CDC42BPA: variants seen among roughly 807,000 people sequenced by gnomAD.
CDC42BPA encodes serine/threonine-protein kinase MRCK alpha.
CDC42BPA carries 80 observed loss-of-function variants against 223.5 expected under a neutral mutation model. The observed-to-expected ratio is 0.36, with a 90% CI of 0.30 to 0.43. CDC42BPA has a LOEUF of 0.43. Ranked by LOEUF, CDC42BPA falls within the 20% of genes least tolerant of loss-of-function variation. The probability of loss-of-function intolerance (pLI) is 1.00; values close to 1 mark genes in which losing one functional copy is unlikely to be tolerated. For synonymous variants in CDC42BPA, 694 were observed against 718.6 expected, an observed-to-expected ratio of 0.97 and a Z score of 0.55; for missense variants, 1,743 against 2,099.9, an observed-to-expected ratio of 0.83 and a Z score of 3.32.
intron 6 of CDC42BPA, among the ~76,000 whole-genome samples, chr1:227,155,716 A>G (rs1662627991): frequency 6.6e-6 from 1 of 152,240 alleles, no homozygotes; most frequent in Non-Finnish European, 1.5e-5. Flanking sequence ...TTACACCAGG[A>G]AGAATAAAAA....
chr1:227,031,202 T>C (rs766506576), intron 28 of CDC42BPA, 96 bp downstream of exon 28: 24 of 877,738 alleles, frequency 2.7e-5, no homozygotes, highest in East Asian at 9.9e-5. Context: ...GCACAGTATG[T>C]TGGACACTGG....
chr1:227,107,840 T>TTGTCCATTTCATCTAGGTTA (rs1686206290), intron 14 of CDC42BPA, among the ~76,000 whole-genome samples: 1 of 152,204 alleles, frequency 6.6e-6, no homozygotes, highest in African/African-American at 2.4e-5. Flanking sequence ...TTCTAAGAAT[T>TTGTCCATTTCATCTAGGTTA]TGTCCATTTC....
chr1:227,247,236 G>T lies in CDC42BPA; in HGVS notation c.270+6828C>A, dbSNP rs147378823. Among the ~76,000 whole-genome samples, 412 of 150,754 alleles carry T rather than the reference G, an allele frequency of 2.7e-3. 1 individual carries two copies. Among genetic ancestry groups the T allele is most frequent in the African/African-American group, 9.5e-3 (390 of 40,920 alleles). ...ATTTTGGCCAGGTGCAGTGGCTCAT[G>T]CCTGTAATCCCAGCACTTTGGGAGG... On this transcript the variant is annotated intron_variant, in intron 2 of 36. Coordinates refer to ENST00000366766, the MANE Select transcript of CDC42BPA (RefSeq NM_001394014.1).
At chr1:227,036,525 G>T (rs550861015) in intron 24 of CDC42BPA, among the ~76,000 whole-genome samples, 9 of 149,670 alleles carry the variant, frequency 6.0e-5, no homozygotes, top group Non-Finnish European at 1.0e-4. Flanking sequence ...GCCCCCCGGG[G>T]TTCACGCCAT....
At chr1:227,306,685 G>A (rs1308563177) in intron 1 of CDC42BPA, among the ~76,000 whole-genome samples, 2 of 152,154 alleles carry the variant, frequency 1.3e-5, no homozygotes, top group Non-Finnish European at 2.9e-5. Flanking sequence ...CTACATACCC[G>A]AACTTAGTCT....
At chr1:227,004,902 T>A in intron 35 of CDC42BPA, 92 bp downstream of exon 35, 2 of 873,942 alleles carry the variant, frequency 2.3e-6, no homozygotes, top group Non-Finnish European at 4.0e-6. Flanking sequence ...TGGGCACACG[T>A]AAGTGAAGGA....
chr1:227,033,726 C>T (rs1189657846), intron 26 of CDC42BPA, among the ~76,000 whole-genome samples: 1 of 152,098 alleles, frequency 6.6e-6, no homozygotes, highest in Non-Finnish European at 1.5e-5. Context: ...CCAGTGGACC[C>T]TCTTGCCTCC....
rs184064626 is a variant in CDC42BPA, at chr1:227,085,056, T to C, written c.2356-4039A>G. Among the ~76,000 whole-genome samples the C allele has an allele frequency of 2.8e-3, 432 of 152,306 alleles. 3 individuals are homozygous for C. The highest frequency in any genetic ancestry group is 4.1e-3 in the Non-Finnish European group (277 of 68,030). ...TGTTAAGCTTGCCAAGCTTTGGGAC[T>C]GGAACTACAAAATATACTCTCCTGG... On this transcript the variant is annotated intron_variant, in intron 16 of 36. Coordinates refer to ENST00000366766, the MANE Select transcript of CDC42BPA (RefSeq NM_001394014.1).
intron 17 of CDC42BPA, among the ~76,000 whole-genome samples, 165 bp downstream of exon 17, chr1:227,080,728 A>G (rs1323692134): frequency 6.6e-6 from 1 of 152,228 alleles, no homozygotes; most frequent in East Asian, 1.9e-4. Context: ...CAGAAAACAC[A>G]GTAGAACACA....
At chr1:227,123,827 C>A (rs905340058) in intron 11 of CDC42BPA, among the ~76,000 whole-genome samples, 5 of 152,012 alleles carry the variant, frequency 3.3e-5, no homozygotes, top group Non-Finnish European at 7.4e-5. Flanking sequence ...CCCCTATTCA[C>A]AGGAGGTAGG....
intron 24 of CDC42BPA, among the ~76,000 whole-genome samples, chr1:227,035,899 AT>A (rs1338362695): frequency 2.0e-5 from 3 of 152,184 alleles, no homozygotes; most frequent in African/African-American, 2.4e-5. Context: ...AAAATGATTG[AT>A]TTAGATTTTC....
intron 6 of CDC42BPA, among the ~76,000 whole-genome samples, chr1:227,156,449 C>CGT (rs1491200092): frequency 1.0e-3 from 3 of 2,966 alleles, no homozygotes; most frequent in South Asian, 0.01. Context: ...CTGCCATAGG[C>CGT]CTCTCAAAGA....
chr1:227,173,081 A>G (rs565898359), intron 5 of CDC42BPA, among the ~76,000 whole-genome samples: 18 of 152,338 alleles, frequency 1.2e-4, no homozygotes, highest in Admixed American at 1.2e-3. Context: ...ATAGTGACAG[A>G]TAAAAGGAGG....
chr1:227,067,037 C>T (rs1476408791), intron 21 of CDC42BPA, among the ~76,000 whole-genome samples: 1 of 152,114 alleles, frequency 6.6e-6, no homozygotes. Context: ...AAAGATTTGG[C>T]AGCTCTTGTG....
Position 227,040,145 on chromosome 1 carries a change from C to T in CDC42BPA, c.3185G>A (p.Gly1062Asp). ...TGTGTTCTTACCTTCACATGAACAG[C>T]CCTGTCTTATTAAACCCACCATCAA... ...TSLMVGLIRQ[G>D]CSCEVCGFSC... Residue 1062 changes from glycine to aspartate, a missense_variant, in exon 24 of 37, where the codon GGC (glycine) becomes GAC (aspartate). Physicochemically the swap from Gly to Asp is moderately conservative, Grantham distance 94. Coordinates refer to ENST00000366766, the MANE Select transcript of CDC42BPA (RefSeq NM_001394014.1). The T allele has an allele frequency of 1.3e-6, 2 of 1,598,356 alleles. No individual in the cohort carries two copies. Among genetic ancestry groups the T allele is most frequent in the Non-Finnish European group, 1.7e-6 (2 of 1,165,856 alleles).
intron 14 of CDC42BPA, among the ~76,000 whole-genome samples, chr1:227,110,459 T>C (rs1686731447): frequency 6.6e-6 from 1 of 152,158 alleles, no homozygotes. Flanking sequence ...TAATGTTTAT[T>C]GTAGAAAAAA....
intron 3 of CDC42BPA, among the ~76,000 whole-genome samples, chr1:227,203,903 T>A (rs1408683461): frequency 6.6e-6 from 1 of 152,190 alleles, no homozygotes; most frequent in African/African-American, 2.4e-5. Flanking sequence ...CACAGGATTC[T>A]CTTCATCGTA....
chr1:227,133,278 C>T (rs1381996586), intron 10 of CDC42BPA, among the ~76,000 whole-genome samples: 10 of 151,784 alleles, frequency 6.6e-5, no homozygotes, highest in Admixed American at 5.2e-4. Flanking sequence ...TCTGCCCGGC[C>T]GCCCCTACTG....
chr1:227,262,772 G>A (rs929558095), intron 1 of CDC42BPA, among the ~76,000 whole-genome samples: 8 of 151,974 alleles, frequency 5.3e-5, no homozygotes, highest in Non-Finnish European at 7.4e-5. Context: ...ATTAAGATAC[G>A]GTGTTCTAAT....
Sources: gnomAD v4.1 joint callset for allele counts (sites outside exome capture counted in the v4.1 genomes callset) on GRCh38, gnomAD v4.1.1 for gene constraint, MANE v1.5 for transcripts, NCBI Gene and HGNC (gene_info 2026-07-23, HGNC 2026-07-21) for gene names.